The following STXBP6 variants were observed in gnomAD, a reference collection of about 807,000 sequenced individuals.
STXBP6 encodes syntaxin binding protein 6.
Under a neutral mutation model 26.9 loss-of-function variants are expected in STXBP6, and 21 were observed. The ratio of observed to expected loss-of-function variants is 0.78; its 90% CI spans 0.55 to 1.12. The LOEUF is 1.12. STXBP6 is among the 50% of genes most tolerant of loss of function. STXBP6 has a pLI of 0.00. For synonymous variants in STXBP6, 97 were observed against 92.6 expected (o/e 1.05, Z -0.27); for missense variants, 232 against 257.9 (o/e 0.90, Z 0.69).
intron 2 of STXBP6, among the ~76,000 whole-genome samples, chr14:24,864,127 C>T (rs1236167233): frequency 6.6e-6 from 1 of 152,080 alleles, no homozygotes. Context: ...CAGATGTAAA[C>T]ATCATTTTTG....
At chr14:24,963,970 T>TAAAAA (rs768793147) in intron 2 of STXBP6, among the ~76,000 whole-genome samples, 2 of 64,690 alleles carry the variant, frequency 3.1e-5, no homozygotes, top group African/African-American at 5.9e-5. Context: ...AGCAAGTTTC[T>TAAAAA]AAAAAAAAAA....
At chr14:24,964,647 CTGTGTG>C (rs34132743) in intron 2 of STXBP6, among the ~76,000 whole-genome samples, 22 of 140,212 alleles carry the variant, frequency 1.6e-4, no homozygotes, top group Admixed American at 3.6e-4. Flanking sequence ...AGTTCTCATT[CTGTGTG>C]TGTGTGTGTG....
At chr14:24,951,487 T>A (rs2073168903) in intron 2 of STXBP6, among the ~76,000 whole-genome samples, 1 of 152,182 alleles carries the variant, frequency 6.6e-6, no homozygotes, top group South Asian at 2.1e-4. Context: ...ATGATGAGCT[T>A]TTTTTCATGT....
At chr14:24,979,050 T>C (rs143363869) in intron 1 of STXBP6, among the ~76,000 whole-genome samples, 1 of 152,318 alleles carries the variant, frequency 6.6e-6, no homozygotes, top group Non-Finnish European at 1.5e-5. Flanking sequence ...CAGGTAGTTC[T>C]AGGGAAGTAT....
rs1594888225 is a variant in STXBP6, at chr14:24,812,086, A to T, written c.*623T>A. Reference sequence around the variant, plus strand: ...AAAGAGATTTCTATCTGCGATTCTGATTTTTTTTTTTTTTTGAACGCTGGT... The same window carrying T: ...AAAGAGATTTCTATCTGCGATTCTGTTTTTTTTTTTTTTTTGAACGCTGGT... On this transcript the variant is annotated 3_prime_UTR_variant, in exon 6 of 6. Coordinates refer to ENST00000323944, the MANE Select transcript of STXBP6 (RefSeq NM_001394410.1). 6.8e-6 allele frequency: 1 copy of T among 146,316 alleles called. No homozygotes were observed. Among genetic ancestry groups the T allele is most frequent in the African/African-American group, 2.5e-5 (1 of 39,856 alleles). The allele number at this position is 146,316 out of a possible 1,614,324, so 9.1% of individuals were successfully genotyped here.
chr14:24,887,776 A>G (rs1291564711), intron 2 of STXBP6, among the ~76,000 whole-genome samples: 1 of 152,232 alleles, frequency 6.6e-6, no homozygotes, highest in Non-Finnish European at 1.5e-5. Flanking sequence ...CAGGGGTTTA[A>G]GGCAGAGATG....
rs1424664546 is a variant in STXBP6 at position 24,861,214 on chromosome 14, T to C, written c.155-4057A>G. Among the ~76,000 whole-genome samples the C allele has an allele frequency of 2.0e-5, 3 of 152,122 alleles. No homozygotes were observed. In the East Asian group the frequency reaches 5.8e-4, roughly 29 times the overall value. On this transcript the variant is annotated intron_variant, in intron 2 of 5. Transcript: ENST00000323944. ...CAGTTAAGTGAAGGTCCGTGTTGTG[T>C]GGTATGCCTCAGCTCTCTGCTCTGC...
chr14:24,936,515 T>C (rs535354584), intron 2 of STXBP6, among the ~76,000 whole-genome samples: 1 of 152,332 alleles, frequency 6.6e-6, no homozygotes, highest in South Asian at 2.1e-4. Context: ...TTGTAAAGAA[T>C]CTTATAGATT....
chr14:24,975,612 T>C (rs2074024667), intron 1 of STXBP6, among the ~76,000 whole-genome samples: 1 of 152,212 alleles, frequency 6.6e-6, no homozygotes, highest in South Asian at 2.1e-4. Context: ...CATGTTATGC[T>C]CCTCTGGTTA....
intron 1 of STXBP6, among the ~76,000 whole-genome samples, chr14:25,043,315 A>AT (rs973374733): frequency 7.2e-5 from 11 of 152,100 alleles, no homozygotes; most frequent in African/African-American, 2.7e-4. Flanking sequence ...TAATCCAGAT[A>AT]TTTTTTCCCG....
intron 2 of STXBP6, among the ~76,000 whole-genome samples, chr14:24,857,485 T>A (rs925589794): frequency 1.3e-5 from 2 of 152,120 alleles, no homozygotes; most frequent in African/African-American, 4.8e-5. Context: ...AAGTGCACAA[T>A]TACAGCTTGC....
chr14:25,035,511 G>A (rs1261982577), intron 1 of STXBP6, among the ~76,000 whole-genome samples: 5 of 152,192 alleles, frequency 3.3e-5, no homozygotes, highest in African/African-American at 4.8e-5. Flanking sequence ...CTACACAGGT[G>A]TATAGGACAA....
intron 2 of STXBP6, among the ~76,000 whole-genome samples, chr14:24,919,020 G>C (rs2071878620): frequency 6.6e-6 from 1 of 152,066 alleles, no homozygotes; most frequent in Non-Finnish European, 1.5e-5. Flanking sequence ...AAATTCTACT[G>C]TTATCATAAT....
intron 2 of STXBP6, among the ~76,000 whole-genome samples, chr14:24,866,884 C>G (rs1213103212): frequency 6.6e-6 from 1 of 151,862 alleles, no homozygotes; most frequent in Non-Finnish European, 1.5e-5. Flanking sequence ...CAGTGGGCTT[C>G]TTTTTGTAGA....
chr14:24,859,655 G>T (rs2139209015), intron 2 of STXBP6, among the ~76,000 whole-genome samples: 1 of 152,232 alleles, frequency 6.6e-6, no homozygotes, highest in African/African-American at 2.4e-5. Flanking sequence ...CTAATTGACA[G>T]TACACCCTGG....
At chr14:25,038,321 A>C (rs932774898) in intron 1 of STXBP6, among the ~76,000 whole-genome samples, 1 of 152,214 alleles carries the variant, frequency 6.6e-6, no homozygotes, top group African/African-American at 2.4e-5. Context: ...GTACTCACTA[A>C]AGCTGAACAT....
Position 25,014,687 on chromosome 14 carries a change from A to C in STXBP6, c.-33+35191T>G, listed in dbSNP as rs148112922. 5.3e-3 allele frequency among the ~76,000 whole-genome samples: 806 copies of C among 152,350 alleles called. 9 individuals carry two copies. The highest frequency in any genetic ancestry group is 0.019 in the African/African-American group (775 of 41,580). On this transcript the variant is annotated intron_variant, in intron 1 of 5. Coordinates refer to ENST00000323944, the MANE Select transcript of STXBP6 (RefSeq NM_001394410.1). ...CTGTGACAGGGTATGTTCTGCAAAGAAGTTCTGAGTCAGCTGTCTCTGAAC... is the reference window on the plus strand; with the variant it reads ...CTGTGACAGGGTATGTTCTGCAAAGCAGTTCTGAGTCAGCTGTCTCTGAAC...
At chr14:24,833,083 A>G (rs1260399860) in intron 4 of STXBP6, among the ~76,000 whole-genome samples, 1 of 152,182 alleles carries the variant, frequency 6.6e-6, no homozygotes, top group African/African-American at 2.4e-5. Flanking sequence ...CTTTCATATC[A>G]TGAGAGTTTC....
intron 2 of STXBP6, among the ~76,000 whole-genome samples, chr14:24,972,262 T>C (rs1257650397): frequency 6.6e-6 from 1 of 152,220 alleles, no homozygotes; most frequent in East Asian, 1.9e-4. Flanking sequence ...ACTTTAAACC[T>C]GAAGGTCTTG....
Sources: gnomAD v4.1 joint callset for allele counts (sites outside exome capture counted in the v4.1 genomes callset) on GRCh38, gnomAD v4.1.1 for gene constraint, MANE v1.5 for transcripts, NCBI Gene and HGNC (gene_info 2026-07-23, HGNC 2026-07-21) for gene names.